The following BICRAL variants were observed in gnomAD, a reference collection of about 807,000 sequenced individuals.
The protein encoded by BICRAL is BRD4-interacting chromatin-remodeling complex-associated protein-like.
BICRAL carries 8 observed loss-of-function variants against 91.8 expected under a neutral mutation model. The observed-to-expected ratio is 0.09, with a 90% confidence interval of 0.05 to 0.16. BICRAL has a LOEUF of 0.16. Ranked by LOEUF, BICRAL falls within the 10% of genes least tolerant of loss-of-function variation. BICRAL has a pLI of 1.00. For synonymous variants in BICRAL, 445 were observed against 491.1 expected (o/e 0.91, Z 1.24); for missense variants, 1,038 against 1,310.9 (o/e 0.79, Z 3.21).
chr6:42,830,237 C>T (rs777282843), intron 6 of BICRAL, 65 bp downstream of exon 6: 1 of 1,506,270 alleles, frequency 6.6e-7, no homozygotes, highest in Non-Finnish European at 9.0e-7. Context: ...TGTGTATTTA[C>T]TAGAATATAA....
chr6:42,843,213 C>G (rs1764862462), intron 6 of BICRAL, among the ~76,000 whole-genome samples: 1 of 152,082 alleles, frequency 6.6e-6, no homozygotes, highest in African/African-American at 2.4e-5. Flanking sequence ...CGAAAAGGAG[C>G]CTCTAACCCA....
At chr6:42,782,493 C>T (rs1328671118) in intron 1 of BICRAL, among the ~76,000 whole-genome samples, 2 of 108,360 alleles carry the variant, frequency 1.8e-5, no homozygotes, top group Non-Finnish European at 3.9e-5. Flanking sequence ...GGGGCGCAGG[C>T]GGGCAGGGGG....
rs115509329 is a variant in BICRAL at position 42,804,899 on chromosome 6, G to A, written c.-101-5407G>A. ...TGCTTTTTTAAAAAAATTGGGCCTC[G>A]CTATGTAGCCTAGTCTGGTCTTGAA... is the stretch of plus-strand genomic sequence containing the variant. On this transcript the variant is annotated intron_variant, in intron 1 of 12. Coordinates refer to ENST00000314073, the MANE Select transcript of BICRAL (RefSeq NM_001393499.1). Among the ~76,000 whole-genome samples the A allele has an allele frequency of 7.4e-3, 1,122 of 152,218 alleles. 9 individuals are homozygous for A. The highest frequency in any genetic ancestry group is 0.024 in the African/African-American group (992 of 41,532).
At chr6:42,809,169 A>G (rs1401015414) in intron 1 of BICRAL, among the ~76,000 whole-genome samples, 4 of 136,096 alleles carry the variant, frequency 2.9e-5, no homozygotes, top group African/African-American at 5.7e-5. Context: ...ACTACCACTT[A>G]TAAGTGAGAA....
intron 6 of BICRAL, among the ~76,000 whole-genome samples, chr6:42,840,403 C>T (rs780482841): frequency 6.6e-6 from 1 of 151,810 alleles, no homozygotes; most frequent in African/African-American, 2.4e-5. Context: ...CCACCACACC[C>T]GCTAATTTTT....
At chr6:42,843,945 C>T (rs1256669242) in intron 6 of BICRAL, among the ~76,000 whole-genome samples, 4 of 149,516 alleles carry the variant, frequency 2.7e-5, no homozygotes, top group South Asian at 2.1e-4. Context: ...ATTACAGGTG[C>T]GCGTCACCAT....
intron 1 of BICRAL, among the ~76,000 whole-genome samples, chr6:42,795,016 T>C (rs563000005): frequency 6.6e-6 from 1 of 151,748 alleles, no homozygotes; most frequent in African/African-American, 2.4e-5. Context: ...TACTGATCTC[T>C]CCACCAATAC....
At chr6:42,816,715 A>G (rs1222429005) in intron 2 of BICRAL, among the ~76,000 whole-genome samples, 1 of 152,154 alleles carries the variant, frequency 6.6e-6, no homozygotes, top group Non-Finnish European at 1.5e-5. Context: ...ACAAAAGGAC[A>G]TATAAATAAA....
At chr6:42,846,121 A>G (rs1562491558) in intron 6 of BICRAL, among the ~76,000 whole-genome samples, 1 of 151,442 alleles carries the variant, frequency 6.6e-6, no homozygotes, top group African/African-American at 2.4e-5. Flanking sequence ...TCACACCTGT[A>G]ATCCCAGCAC....
At chr6:42,830,895 G>A (rs891406026) in intron 6 of BICRAL, among the ~76,000 whole-genome samples, 1 of 152,218 alleles carries the variant, frequency 6.6e-6, no homozygotes, top group African/African-American at 2.4e-5. Flanking sequence ...GGGATTACAG[G>A]CCACCACACC....
chr6:42,800,822 T>C (rs1763546611), intron 1 of BICRAL, among the ~76,000 whole-genome samples: 1 of 152,216 alleles, frequency 6.6e-6, no homozygotes, highest in African/African-American at 2.4e-5. Context: ...GTTAACATTG[T>C]TATTTTCATA....
intron 11 of BICRAL, 87 bp downstream of exon 11, chr6:42,860,443 G>T: frequency 1.3e-6 from 1 of 756,844 alleles, no homozygotes; most frequent in Non-Finnish European, 2.3e-6. Context: ...AGGAATTATA[G>T]AATATAATGT....
intron 6 of BICRAL, among the ~76,000 whole-genome samples, chr6:42,848,307 C>G (rs964897942): frequency 1.3e-5 from 2 of 151,276 alleles, no homozygotes; most frequent in African/African-American, 2.4e-5. Flanking sequence ...CAAGCTACTC[C>G]TGGAGGCTGA....
chr6:42,747,574 G>A (rs964800924), intron 1 of BICRAL, among the ~76,000 whole-genome samples: 2 of 152,176 alleles, frequency 1.3e-5, no homozygotes, highest in Non-Finnish European at 2.9e-5. Flanking sequence ...TGCTGGGCCA[G>A]AGTATTTCTC....
chr6:42,834,167 A>G (rs1039145225), intron 6 of BICRAL, among the ~76,000 whole-genome samples: 1 of 152,180 alleles, frequency 6.6e-6, no homozygotes, highest in African/African-American at 2.4e-5. Flanking sequence ...ATTATTTTCT[A>G]TAATTTGGGT....
In BICRAL at chr6:42,857,600, T is replaced by TAAAAAAAAAAAA. The variant is rs748078737; in HGVS notation, c.2254+368_2254+379dup. On this transcript the variant is annotated intron_variant, in intron 10 of 12. Transcript: ENST00000314073. ...GGCAACATAGGGAGACACTGTCTCT[T>TAAAAAAAAAAAA]AAAAAAAAAAAAAAATATATATATA... Among the ~76,000 whole-genome samples, 38 of 101,300 alleles carry TAAAAAAAAAAAA rather than the reference T, an allele frequency of 3.8e-4. 2 individuals carry two copies. Among genetic ancestry groups the TAAAAAAAAAAAA allele is most frequent in the African/African-American group, 1.8e-3 (35 of 19,994 alleles). The allele number at this position is 101,300 out of a possible 152,430, so 66.5% of individuals were successfully genotyped here.
intron 1 of BICRAL, among the ~76,000 whole-genome samples, chr6:42,795,534 T>C (rs960791739): frequency 2.0e-5 from 3 of 152,244 alleles, no homozygotes; most frequent in Admixed American, 6.5e-5. Context: ...ATATAATTAT[T>C]ATTTAATAGA....
chr6:42,810,745 C>T (rs1222971514), intron 2 of BICRAL, among the ~76,000 whole-genome samples: 1 of 151,904 alleles, frequency 6.6e-6, no homozygotes, highest in Admixed American at 6.6e-5. Flanking sequence ...TTTTATATTC[C>T]CACCCCCTAG....
intron 1 of BICRAL, among the ~76,000 whole-genome samples, chr6:42,771,067 T>C (rs569370166): frequency 8.1e-4 from 124 of 152,290 alleles, no homozygotes; most frequent in African/African-American, 2.9e-3. Flanking sequence ...GGTCCCTCCT[T>C]CTCTCCTAGC....
Sources: gnomAD v4.1 joint callset for allele counts (sites outside exome capture counted in the v4.1 genomes callset) on GRCh38, gnomAD v4.1.1 for gene constraint, MANE v1.5 for transcripts, NCBI Gene and HGNC (gene_info 2026-07-23, HGNC 2026-07-21) for gene names.